The following AP4E1 variants were observed in gnomAD, a reference collection of about 807,000 sequenced individuals.
AP4E1 encodes adaptor related protein complex 4 subunit epsilon 1.
In AP4E1, 56 loss-of-function variants were observed where a neutral mutation model predicts 128.2. The ratio of observed to expected loss-of-function variants is 0.44; its 90% CI spans 0.35 to 0.55. AP4E1 has a LOEUF of 0.55. Ranked by LOEUF, AP4E1 falls within the 20% of genes least tolerant of loss-of-function variation. AP4E1 has a pLI of 0.00. For synonymous variants in AP4E1, 484 were observed against 473.1 expected, an observed-to-expected ratio of 1.02 and a Z score of -0.30; for missense variants, 1,324 against 1,307.7, an observed-to-expected ratio of 1.01 and a Z score of -0.19.
chr15:50,909,241 G>GT (rs534668172), intron 1 of AP4E1, among the ~76,000 whole-genome samples: 106 of 152,330 alleles, frequency 7.0e-4, no homozygotes, highest in African/African-American at 2.1e-3. Flanking sequence ...TAATTCATAG[G>GT]TTTTTTGTTT....
chr15:50,931,565 C>CA (rs1413063604), intron 7 of AP4E1, among the ~76,000 whole-genome samples: 1 of 151,728 alleles, frequency 6.6e-6, no homozygotes, highest in Non-Finnish European at 1.5e-5. Flanking sequence ...GACTCTGTCT[C>CA]AAAAAATAAT....
At chr15:50,927,287 T>C (rs1433010226) in intron 5 of AP4E1, among the ~76,000 whole-genome samples, 1 of 152,198 alleles carries the variant, frequency 6.6e-6, no homozygotes, top group African/African-American at 2.4e-5. Context: ...TTTGCAGTTA[T>C]GGCCATACTC....
At chr15:50,964,955 C>CCCCCCACACACACACACACACACACA (rs1555459128) in intron 14 of AP4E1, among the ~76,000 whole-genome samples, 2 of 131,370 alleles carry the variant, frequency 1.5e-5, no homozygotes, top group African/African-American at 3.0e-5. Flanking sequence ...CCTCCCCCTA[C>CCCCCCACACACACACACACACACACA]CACACACACA....
In AP4E1 at chr15:51,002,760, A is replaced by T. The variant is rs1253625587; in HGVS notation, c.*98A>T. ...AGAACTCATGGTACTTCTAATGAAA[A>T]TGGGGATTATTACAAGTGTGGTTTA... On this transcript the variant is annotated 3_prime_UTR_variant, in exon 21 of 21. Coordinates refer to ENST00000261842, the MANE Select transcript of AP4E1 (RefSeq NM_007347.5). 23 of 1,407,314 alleles carry T rather than the reference A, an allele frequency of 1.6e-5. No homozygotes were observed. The highest frequency in any genetic ancestry group is 2.3e-5 in the Non-Finnish European group (23 of 1,014,016). 87.2% of individuals were successfully genotyped at this position (1,407,314 alleles called of 1,614,324 possible).
At chr15:50,983,339 G>T (rs1474401566) in intron 15 of AP4E1, among the ~76,000 whole-genome samples, 1 of 152,136 alleles carries the variant, frequency 6.6e-6, no homozygotes, top group African/African-American at 2.4e-5. Context: ...CCTTCCAGAA[G>T]TTGCAAACAA....
At chr15:50,940,126 G>A (rs1445722596) in intron 8 of AP4E1, among the ~76,000 whole-genome samples, 1 of 152,062 alleles carries the variant, frequency 6.6e-6, no homozygotes, top group Non-Finnish European at 1.5e-5. Context: ...AATTGACTAA[G>A]GTTCTCTTTG....
intron 15 of AP4E1, among the ~76,000 whole-genome samples, chr15:50,975,251 C>T (rs1419005925): frequency 6.6e-6 from 1 of 152,078 alleles, no homozygotes; most frequent in East Asian, 1.9e-4. Flanking sequence ...ACTGAAAATA[C>T]AAAATTAGCC....
At chr15:50,944,623 C>A in intron 10 of AP4E1, 2 of 292,190 alleles carry the variant, frequency 6.8e-6, no homozygotes, top group Non-Finnish European at 1.3e-5. Context: ...GAACTCACAG[C>A]AAAGAGCTCG....
chr15:51,002,991 T>TA lies in AP4E1; in HGVS notation c.*330dup, dbSNP rs1305853632. ...AAATAATTTTATAGCACGTTTACTC[T>TA]AGTGCTAGCTAATTTGTAATAAAGC... On this transcript the variant is annotated 3_prime_UTR_variant, in exon 21 of 21. Transcript: ENST00000261842. The TA allele has an allele frequency of 4.6e-6, 1 of 219,236 alleles. No homozygotes were observed. The highest frequency in any genetic ancestry group is 9.2e-6 in the Non-Finnish European group (1 of 108,614). The allele number at this position is 219,236 out of a possible 1,614,324, so 13.6% of individuals were successfully genotyped here.
intron 3 of AP4E1, among the ~76,000 whole-genome samples, chr15:50,922,615 C>T (rs1439257168): frequency 6.6e-6 from 1 of 151,960 alleles, no homozygotes; most frequent in Non-Finnish European, 1.5e-5. Context: ...TTGAGAAGAA[C>T]GAAAAACAAT....
Position 50,912,028 on chromosome 15 carries a change from C to T in AP4E1, c.151-50C>T, listed in dbSNP as rs780445188. ...TTTTCCGTTTAGATAAATGCTGTTA[C>T]AGTTTTAAAAGACAGTTAATCAAGC... On this transcript the variant is annotated intron_variant, in intron 1 of 20. Transcript: ENST00000261842. 1.4e-5 allele frequency: 19 copies of T among 1,361,048 alleles called. No homozygotes were observed. In the African/African-American group the frequency reaches 2.4e-4, roughly 17 times the overall value. The allele number at this position is 1,361,048 out of a possible 1,614,324, so 84.3% of individuals were successfully genotyped here.
Position 50,968,250 on chromosome 15 carries a change from A to G in AP4E1, c.1852-13A>G. Reference sequence around the variant, plus strand: ...TTTATTTAATTCCTAATTTTTGCTTAATTTTAATATAGGTAGATGCTTCTT... The same window carrying G: ...TTTATTTAATTCCTAATTTTTGCTTGATTTTAATATAGGTAGATGCTTCTT... On this transcript the variant is annotated splice_polypyrimidine_tract_variant and intron_variant, in intron 14 of 20. Coordinates refer to ENST00000261842, the MANE Select transcript of AP4E1 (RefSeq NM_007347.5). 6.3e-7 allele frequency: 1 copy of G among 1,582,828 alleles called. No individual in the cohort carries two copies. The highest frequency in any genetic ancestry group is 8.7e-7 in the Non-Finnish European group (1 of 1,155,558).
At chr15:50,917,125 A>C (rs1255229654) in intron 3 of AP4E1, among the ~76,000 whole-genome samples, 1 of 152,150 alleles carries the variant, frequency 6.6e-6, no homozygotes, top group East Asian at 1.9e-4. Context: ...CTGTATTTGT[A>C]GTTTTTTTCT....
intron 10 of AP4E1, among the ~76,000 whole-genome samples, chr15:50,943,088 T>G (rs1047602569): frequency 1.3e-5 from 2 of 152,098 alleles, no homozygotes; most frequent in Admixed American, 6.6e-5. Flanking sequence ...GTCTATTGTT[T>G]CATCATTACA....
Position 50,950,107 on chromosome 15 carries a change from C to T in AP4E1, c.1486C>T (p.Leu496Phe), listed in dbSNP as rs376722480. The change falls in exon 13 of 21, where the codon CTC (leucine) becomes TTC (phenylalanine). Residue 496 changes from leucine to phenylalanine, a missense_variant. Transcript: ENST00000261842. ...QLRLYAVQSYLTLLDMENVFY... is the reference protein window; with the variant it reads ...QLRLYAVQSYFTLLDMENVFY... Reference sequence around the variant, plus strand: ...AAGACTCTATGCAGTTCAGTCTTATCTCACTTTACTGGATATGGAAAATGT... The same window carrying T: ...AAGACTCTATGCAGTTCAGTCTTATTTCACTTTACTGGATATGGAAAATGT... 24 of 1,613,510 alleles carry T rather than the reference C, an allele frequency of 1.5e-5. No individual in the cohort carries two copies. The African/African-American group carries it at 3.1e-4, about 21-fold the overall frequency.
intron 15 of AP4E1, among the ~76,000 whole-genome samples, chr15:50,980,448 G>A (rs59364110): frequency 0.018 from 2,702 of 152,302 alleles, 100 homozygotes; most frequent in African/African-American, 0.062. Context: ...CTTAAAGATG[G>A]AATTTATAAT....
At chr15:50,999,988 T>C (rs1161019916) in intron 19 of AP4E1, among the ~76,000 whole-genome samples, 3 of 152,002 alleles carry the variant, frequency 2.0e-5, no homozygotes. Context: ...TGCTCTAATT[T>C]TGTTTTATAA....
In AP4E1 at chr15:50,921,114, T is replaced by C. The variant is rs1596458176; in HGVS notation, c.347-2817T>C. On this transcript the variant is annotated intron_variant, in intron 3 of 20. Coordinates refer to ENST00000261842, the MANE Select transcript of AP4E1 (RefSeq NM_007347.5). ...TACCGTGCCCAGCCAGAATGCCTTA[T>C]TATTTTTTTTATGAGTATCATTGAA... Among the ~76,000 whole-genome samples the C allele has an allele frequency of 5.5e-5, 3 of 54,636 alleles. No homozygotes were observed. The East Asian group carries it at 8.5e-4, about 16-fold the overall frequency. 35.8% of individuals were successfully genotyped at this position (54,636 alleles called of 152,430 possible).
chr15:50,986,216 G>A (rs28885693), intron 16 of AP4E1, among the ~76,000 whole-genome samples: 72,786 of 151,644 alleles, frequency 0.48, 17,755 homozygotes, highest in East Asian at 0.59. Flanking sequence ...GGCTGAGACT[G>A]TGGGGTTTTC....
Sources: allele counts gnomAD v4.1 joint callset (sites outside exome capture counted in the v4.1 genomes callset), GRCh38; gene constraint gnomAD v4.1.1; transcripts MANE v1.5; gene names NCBI Gene and HGNC (gene_info 2026-07-23, HGNC 2026-07-21).